Variants in RSRC1 observed in about 807,000 individuals in gnomAD.
RSRC1 encodes serine/Arginine-related protein 53.
Under a neutral mutation model 49.1 loss-of-function variants are expected in RSRC1, and 39 were observed. The observed-to-expected ratio is 0.79, with a 90% CI of 0.61 to 1.04. RSRC1 has a LOEUF of 1.04. Among genes scored for constraint, RSRC1 ranks in the 50% least tolerant of loss-of-function variants. RSRC1 has a pLI of 0.00. For synonymous variants in RSRC1, 143 were observed against 130.8 expected (o/e 1.09, Z -0.63); for missense variants, 388 against 402.4 (o/e 0.96, Z 0.31).
rs1404590268 is a variant in RSRC1 at position 158,377,549 on chromosome 3, C to G, written c.583+22641C>G. On this transcript the variant is annotated intron_variant, in intron 6 of 9. Coordinates refer to ENST00000611884, the MANE Select transcript of RSRC1 (RefSeq NM_001271838.2). The stretch of plus-strand genomic sequence containing the variant: ...TTGCTATGTGATATACTGACTCCCC[C>G]TTTCCTGAGGCCTTATTAGGGGCAG... Among the ~76,000 whole-genome samples the G allele has an allele frequency of 2.6e-5, 4 of 152,178 alleles. No individual in the cohort carries two copies. In the East Asian group the frequency reaches 5.8e-4, roughly 22 times the overall value.
chr3:158,517,957 A>T (rs1346373127), intron 7 of RSRC1, among the ~76,000 whole-genome samples: 1 of 149,126 alleles, frequency 6.7e-6, no homozygotes, highest in Non-Finnish European at 1.5e-5. Context: ...GTTATTAATT[A>T]TATTAATATA....
chr3:158,163,868 C>T (rs548155456), intron 3 of RSRC1, among the ~76,000 whole-genome samples: 49 of 151,460 alleles, frequency 3.2e-4, no homozygotes, highest in African/African-American at 1.1e-3. Context: ...TTCCCAGCAC[C>T]GTGAAAAGTA....
intron 3 of RSRC1, among the ~76,000 whole-genome samples, chr3:158,132,986 G>T (rs758737251): frequency 6.6e-6 from 1 of 152,012 alleles, no homozygotes; most frequent in Admixed American, 6.6e-5. Context: ...TCGACTTCTG[G>T]AATAAACGGA....
At chr3:158,455,694 A>T (rs938606075) in intron 6 of RSRC1, among the ~76,000 whole-genome samples, 9 of 152,064 alleles carry the variant, frequency 5.9e-5, no homozygotes, top group African/African-American at 2.2e-4. Flanking sequence ...GGAAGGGGCA[A>T]CATGGCCTGG....
At chr3:158,395,531 C>CT (rs1733565022) in intron 6 of RSRC1, among the ~76,000 whole-genome samples, 1 of 152,034 alleles carries the variant, frequency 6.6e-6, no homozygotes, top group East Asian at 1.9e-4. Context: ...TGAACAGGCA[C>CT]TTTTTAAAAG....
intron 7 of RSRC1, among the ~76,000 whole-genome samples, chr3:158,508,880 G>GA (rs1227044182): frequency 6.6e-6 from 1 of 152,116 alleles, no homozygotes; most frequent in East Asian, 1.9e-4. Context: ...GGCTGACCTT[G>GA]AACCCCTGGG....
chr3:158,268,970 A>G (rs1201129236), intron 4 of RSRC1, among the ~76,000 whole-genome samples: 2 of 152,200 alleles, frequency 1.3e-5, no homozygotes, highest in African/African-American at 2.4e-5. Context: ...ATACATAATT[A>G]TATGAGACTG....
intron 3 of RSRC1, among the ~76,000 whole-genome samples, chr3:158,139,445 G>A (rs1337588162): frequency 6.6e-6 from 1 of 152,058 alleles, no homozygotes; most frequent in Non-Finnish European, 1.5e-5. Context: ...TGTTTATCTT[G>A]TGGGTGCTGC....
chr3:158,409,004 G>A (rs1201234351), intron 6 of RSRC1, among the ~76,000 whole-genome samples: 3 of 152,026 alleles, frequency 2.0e-5, no homozygotes. Context: ...CTGCACTCCA[G>A]CCTGGGCAAC....
At chr3:158,529,981 G>A (rs1187332337) in intron 7 of RSRC1, among the ~76,000 whole-genome samples, 3 of 151,786 alleles carry the variant, frequency 2.0e-5, no homozygotes, top group African/African-American at 4.8e-5. Context: ...GGCCTTTTGT[G>A]CCTTCTCATA....
At chr3:158,308,926 C>T (rs986323843) in intron 5 of RSRC1, among the ~76,000 whole-genome samples, 4 of 151,698 alleles carry the variant, frequency 2.6e-5, no homozygotes, top group Non-Finnish European at 5.9e-5. Context: ...GTGCAGTTAC[C>T]GAAGATGAGA....
intron 3 of RSRC1, among the ~76,000 whole-genome samples, chr3:158,178,432 C>A (rs78822249): frequency 0.024 from 3,659 of 152,264 alleles, 83 homozygotes; most frequent in South Asian, 0.092. Context: ...AGCCACTGCT[C>A]CTGGCCCCAG....
At chr3:158,334,868 C>T (rs1729798450) in intron 5 of RSRC1, among the ~76,000 whole-genome samples, 2 of 152,096 alleles carry the variant, frequency 1.3e-5, no homozygotes, top group Admixed American at 1.3e-4. Context: ...TAATGTGTAG[C>T]CATTACAAAT....
chr3:158,464,483 C>T (rs1193425208), intron 7 of RSRC1, among the ~76,000 whole-genome samples: 1 of 152,006 alleles, frequency 6.6e-6, no homozygotes, highest in Non-Finnish European at 1.5e-5. Context: ...TTAGGCAGCC[C>T]TTTCTAAATT....
chr3:158,193,945 C>T (rs1397753163), intron 3 of RSRC1, among the ~76,000 whole-genome samples: 7 of 151,882 alleles, frequency 4.6e-5, no homozygotes, highest in Non-Finnish European at 7.4e-5. Flanking sequence ...TTCAGGTCGA[C>T]ATACTAGTTC....
intron 4 of RSRC1, among the ~76,000 whole-genome samples, chr3:158,233,514 A>C (rs951786221): frequency 5.3e-5 from 8 of 152,164 alleles, no homozygotes; most frequent in African/African-American, 1.9e-4. Context: ...TGTAGTATCA[A>C]AGTGAAAAGA....
rs529216260 is a variant in RSRC1, at chr3:158,366,651, T to A, written c.583+11743T>A. Among the ~76,000 whole-genome samples the A allele has an allele frequency of 9.2e-5, 14 of 152,332 alleles. No homozygotes were observed. In the South Asian group the frequency reaches 2.9e-3, roughly 32 times the overall value. On this transcript the variant is annotated intron_variant, in intron 6 of 9. Transcript: ENST00000611884. ...ATGGGCTCTTTTTTTTGTTTCCATA[T>A]GAACTTTAAAGTAGTTTTTTCCAAT...
intron 5 of RSRC1, among the ~76,000 whole-genome samples, chr3:158,328,564 A>C (rs1252555929): frequency 6.6e-6 from 1 of 151,864 alleles, no homozygotes; most frequent in Non-Finnish European, 1.5e-5. Context: ...ATTGGCCCCC[A>C]CTCTCTTCTG....
At chr3:158,498,843 A>T (rs1441054227) in intron 7 of RSRC1, among the ~76,000 whole-genome samples, 1 of 151,792 alleles carries the variant, frequency 6.6e-6, no homozygotes. Context: ...TCCCTACTTT[A>T]TGTTTTTGTT....
Sources: allele counts gnomAD v4.1 joint callset (sites outside exome capture counted in the v4.1 genomes callset), GRCh38; gene constraint gnomAD v4.1.1; transcripts MANE v1.5; gene names NCBI Gene and HGNC (gene_info 2026-07-23, HGNC 2026-07-21).